The following TULP4 variants were observed in gnomAD, a reference collection of about 807,000 sequenced individuals.
TULP4 encodes tubby-related protein 4.
TULP4 carries 16 observed loss-of-function variants against 129.0 expected under a neutral mutation model. The observed-to-expected ratio is 0.12, with a 90% CI of 0.08 to 0.19. The LOEUF is 0.19. TULP4 is among the 10% of genes least tolerant of loss of function. TULP4 has a pLI of 1.00. For missense variants in TULP4, 1,842 were observed against 2,059.1 expected (o/e 0.89, Z 2.04); for synonymous variants, 998 against 854.0 (o/e 1.17, Z -2.94).
At position 158,495,769 on chromosome 6, in the gene TULP4, G is replaced by A. The variant is rs560998420; in HGVS notation, c.1870+923G>A. 2.4e-4 allele frequency among the ~76,000 whole-genome samples: 37 copies of A among 152,162 alleles called. No homozygotes were observed. The South Asian group carries it at 7.3e-3, about 30-fold the overall frequency. ...GCAGGAGAATCACTTGAACCCAGGG[G>A]GCGGAGGTTGCTGTGAGCCGAGATC... is the stretch of plus-strand genomic sequence containing the variant. On this transcript the variant is annotated intron_variant, in intron 11 of 13. Coordinates refer to ENST00000367097, the MANE Select transcript of TULP4 (RefSeq NM_020245.5).
chr6:158,474,578 ACCCCCTT>A (rs1779772313), intron 6 of TULP4, among the ~76,000 whole-genome samples: 2 of 151,698 alleles, frequency 1.3e-5, no homozygotes, highest in African/African-American at 4.8e-5. Flanking sequence ...CTTCAAAAAG[ACCCCCTT>A]GCTGTTGCTC....
chr6:158,293,423 A>C (rs1778977831), intron 1 of TULP4, among the ~76,000 whole-genome samples: 2 of 152,274 alleles, frequency 1.3e-5, no homozygotes, highest in African/African-American at 2.4e-5. Context: ...TGAACACTTA[A>C]TTCAGTGCAG....
intron 1 of TULP4, among the ~76,000 whole-genome samples, chr6:158,333,645 A>G (rs1779966005): frequency 6.6e-6 from 1 of 152,022 alleles, no homozygotes; most frequent in East Asian, 1.9e-4. Context: ...TCAATAATAT[A>G]TTGGAACAAT....
chr6:158,486,788 G>A (rs1303172732), intron 8 of TULP4, among the ~76,000 whole-genome samples: 2 of 152,110 alleles, frequency 1.3e-5, no homozygotes, highest in South Asian at 2.1e-4. Flanking sequence ...CATTAAAACC[G>A]TTTTTAAAGA....
chr6:158,497,207 G>T (rs1203383537), intron 11 of TULP4, among the ~76,000 whole-genome samples: 1 of 152,120 alleles, frequency 6.6e-6, no homozygotes, highest in Non-Finnish European at 1.5e-5. Flanking sequence ...CAAGGTAAAA[G>T]AATTTTCCAC....
At position 158,401,050 on chromosome 6, in the gene TULP4, T is replaced by TTGTTGTTG. The variant is rs1562551078; in HGVS notation, c.253-12014_253-12013insGTTGTTGT. On this transcript the variant is annotated intron_variant, in intron 1 of 13. Coordinates refer to ENST00000367097, the MANE Select transcript of TULP4 (RefSeq NM_020245.5). ...CCGCCTTTTATGTTTGTTTGGGTTT[T>TTGTTGTTG]TTGTTGTTGTTGTTGTTGTTGTTGT... is the stretch of plus-strand genomic sequence containing the variant. 1.9e-3 allele frequency among the ~76,000 whole-genome samples: 278 copies of TTGTTGTTG among 147,204 alleles called. 3 individuals are homozygous for TTGTTGTTG. The highest frequency in any genetic ancestry group is 6.2e-3 in the African/African-American group (247 of 39,816).
chr6:158,458,481 C>T (rs112770798), intron 5 of TULP4, among the ~76,000 whole-genome samples: 2,667 of 152,130 alleles, frequency 0.018, 86 homozygotes, highest in African/African-American at 0.06. Context: ...CTCTGGGCCA[C>T]GAGCTTTAGG....
At chr6:158,403,680 T>C (rs115284552) in intron 1 of TULP4, among the ~76,000 whole-genome samples, 2,044 of 152,314 alleles carry the variant, frequency 0.013, 52 homozygotes, top group African/African-American at 0.045. Context: ...ATTACTACGC[T>C]ATGGAAACCC....
At chr6:158,463,500 G>C (rs1779488302) in intron 6 of TULP4, among the ~76,000 whole-genome samples, 1 of 151,892 alleles carries the variant, frequency 6.6e-6, no homozygotes, top group South Asian at 2.1e-4. Context: ...CTGTTGTAGG[G>C]TGGGGGTAGC....
intron 1 of TULP4, among the ~76,000 whole-genome samples, chr6:158,403,515 T>G (rs1777901487): frequency 6.6e-6 from 1 of 152,164 alleles, no homozygotes; most frequent in Non-Finnish European, 1.5e-5. Flanking sequence ...AATTTTTGTA[T>G]TTTTAGTAGA....
chr6:158,324,283 C>T (rs1237877580), intron 1 of TULP4, among the ~76,000 whole-genome samples: 1 of 152,126 alleles, frequency 6.6e-6, no homozygotes, highest in African/African-American at 2.4e-5. Flanking sequence ...CTGACTATAG[C>T]CATAATTAAC....
At chr6:158,275,445 C>A (rs1160590274) in intron 1 of TULP4, among the ~76,000 whole-genome samples, 1 of 152,144 alleles carries the variant, frequency 6.6e-6, no homozygotes, top group Non-Finnish European at 1.5e-5. Flanking sequence ...TCTTCAAGGT[C>A]CCACACTGAC....
At chr6:158,234,824 A>G (rs546840856) in intron 1 of TULP4, among the ~76,000 whole-genome samples, 52 of 152,236 alleles carry the variant, frequency 3.4e-4, no homozygotes, top group Non-Finnish European at 4.7e-4. Flanking sequence ...ACTAAATTGT[A>G]ACATACTAAA....
At chr6:158,325,257 G>A (rs190968248) in intron 1 of TULP4, among the ~76,000 whole-genome samples, 7 of 151,998 alleles carry the variant, frequency 4.6e-5, no homozygotes, top group Admixed American at 4.6e-4. Context: ...AGAAGTAACA[G>A]ACATCAGTCA....
intron 6 of TULP4, among the ~76,000 whole-genome samples, chr6:158,470,038 T>G (rs1023942397): frequency 2.6e-5 from 4 of 152,092 alleles, no homozygotes; most frequent in Non-Finnish European, 5.9e-5. Flanking sequence ...ATAGCTCTAT[T>G]AGAAGTCGTG....
At position 158,313,714 on chromosome 6, in the gene TULP4, C is replaced by T. The variant is rs1779417206; in HGVS notation, c.-303C>T. On this transcript the variant is annotated 5_prime_UTR_variant, in exon 1 of 14. Transcript: ENST00000367097. ...CACCACTTAATTAACGATGCTCTTTCTCCAAAGGATCAGCACGTTCTTCCT... is the reference window on the plus strand; with the variant it reads ...CACCACTTAATTAACGATGCTCTTTTTCCAAAGGATCAGCACGTTCTTCCT... 1 of 474,874 alleles carries T rather than the reference C, an allele frequency of 2.1e-6. No individual in the cohort carries two copies. Among genetic ancestry groups the T allele is most frequent in the Non-Finnish European group, 3.7e-6 (1 of 272,278 alleles). The allele number at this position is 474,874 out of a possible 1,614,324, so 29.4% of individuals were successfully genotyped here. A position where few individuals can be genotyped will look rare whatever the true frequency, so the allele number is the denominator to read the frequency against.
rs1322095809 is a variant in TULP4, at chr6:158,314,247, C to T, written c.231C>T (p.Asn77=). Residue 77 remains asparagine, a synonymous_variant, in exon 1 of 14, where the codon AAC becomes AAT. Coordinates refer to ENST00000367097, the MANE Select transcript of TULP4 (RefSeq NM_020245.5). ...DRSTPQRINF[N]LRGHNSEVVL... is the part of the protein sequence containing the mutation. ...GTACTCCACAGAGGATAAATTTCAA[C>T]CTCCGGGGCCACAATAGCGAGGTGA... 3.1e-6 allele frequency: 5 copies of T among 1,613,758 alleles called. No individual in the cohort carries two copies. The highest frequency in any genetic ancestry group is 1.6e-4 in the Middle Eastern group (1 of 6,078).
At chr6:158,406,746 GGAGT>G (rs1316977800) in intron 1 of TULP4, among the ~76,000 whole-genome samples, 6 of 152,170 alleles carry the variant, frequency 3.9e-5, no homozygotes, top group Non-Finnish European at 8.8e-5. Context: ...GATTTGGTGT[GGAGT>G]TCACTTTTTC....
rs1000338431 is a variant in TULP4, at chr6:158,261,114, C to T, written n.68+28811C>T. 9.9e-5 allele frequency among the ~76,000 whole-genome samples: 15 copies of T among 152,018 alleles called. No homozygotes were observed. The East Asian group carries it at 1.4e-3, about 14-fold the overall frequency. On this transcript the variant is annotated intron_variant and non_coding_transcript_variant, in intron 1 of 1. Transcript: ENST00000620026. ...GAGTATAGGAGTGAGCCACTGTGCG[C>T]GGCTGAAAAGTGTATTTCTAGATCA...
Sources: gnomAD v4.1 joint callset for allele counts (sites outside exome capture counted in the v4.1 genomes callset) on GRCh38, gnomAD v4.1.1 for gene constraint, MANE v1.5 for transcripts, NCBI Gene and HGNC (gene_info 2026-07-23, HGNC 2026-07-21) for gene names.